CAMSAP1: variants seen among roughly 807,000 people sequenced by gnomAD.
CAMSAP1 encodes the protein calmodulin regulated spectrin associated protein 1, also known as calmodulin-regulated spectrin-associated protein 1.
Under a neutral mutation model 143.5 loss-of-function variants are expected in CAMSAP1, and 58 were observed. The observed-to-expected ratio is 0.40, with a 90% confidence interval of 0.33 to 0.50. CAMSAP1 has a LOEUF of 0.50. CAMSAP1 is among the 20% of genes least tolerant of loss of function. CAMSAP1 has a pLI of 0.45. For missense variants in CAMSAP1, 1,969 were observed against 2,115.7 expected (o/e 0.93, Z 1.36); for synonymous variants, 945 against 859.3 (o/e 1.10, Z -1.74).
rs1838820740 is a variant in CAMSAP1, at chr9:135,907,414, C to A, written c.-255G>T. 6.9e-6 allele frequency among the ~76,000 whole-genome samples: 1 copy of A among 145,944 alleles called. No individual in the cohort carries two copies. The highest frequency in any genetic ancestry group is 2.1e-4 in the South Asian group (1 of 4,790). ...GCCCAAAGAGGCGGCGGCAGGAGGG[C>A]GCGGGCCGGGGGCGGGGGCGGGCGC... On this transcript the variant is annotated 5_prime_UTR_variant, in exon 1 of 17. Transcript: ENST00000389532.
intron 7 of CAMSAP1, among the ~76,000 whole-genome samples, chr9:135,839,977 A>C (rs1836279152): frequency 6.6e-6 from 1 of 152,336 alleles, no homozygotes; most frequent in South Asian, 2.1e-4. Context: ...GTAGGCAGGT[A>C]TGGAGACTAA....
At chr9:135,879,810 C>G (rs977572687) in intron 3 of CAMSAP1, among the ~76,000 whole-genome samples, 3 of 151,884 alleles carry the variant, frequency 2.0e-5, no homozygotes, top group Non-Finnish European at 4.4e-5. Context: ...TCCAGCAACA[C>G]TGAGATCACA....
At chr9:135,812,131 T>C (rs558817339) in intron 16 of CAMSAP1, among the ~76,000 whole-genome samples, 18 of 152,258 alleles carry the variant, frequency 1.2e-4, no homozygotes, top group African/African-American at 4.3e-4. Context: ...CACGCATCCA[T>C]ACAAAACACT....
chr9:135,886,762 G>A (rs187614404), intron 1 of CAMSAP1, among the ~76,000 whole-genome samples: 22 of 152,360 alleles, frequency 1.4e-4, no homozygotes, highest in African/African-American at 4.3e-4. Context: ...GGAGGCTGCT[G>A]TGGTCACCGC....
intron 1 of CAMSAP1, among the ~76,000 whole-genome samples, chr9:135,887,085 T>C (rs1484715633): frequency 6.6e-6 from 1 of 152,082 alleles, no homozygotes; most frequent in Non-Finnish European, 1.5e-5. Flanking sequence ...CCATTACATA[T>C]ACACAGCCAT....
At chr9:135,859,946 T>C (rs1050095510) in intron 5 of CAMSAP1, among the ~76,000 whole-genome samples, 1 of 150,088 alleles carries the variant, frequency 6.7e-6, no homozygotes, top group Admixed American at 6.7e-5. Context: ...GGCTCACGTA[T>C]GGAATCCCAG....
At position 135,907,063 on chromosome 9, in the gene CAMSAP1, C is replaced by G; in HGVS notation, c.97G>C (p.Asp33His). 8.3e-7 allele frequency: 1 copy of G among 1,209,018 alleles called. No individual in the cohort carries two copies. The highest frequency in any genetic ancestry group is 1.0e-6 in the Non-Finnish European group (1 of 961,276). 74.9% of individuals were successfully genotyped at this position (1,209,018 alleles called of 1,614,324 possible). ...GCGGCGATCTTGGCGCGCGCCGCGT[C>G]GTAGCGGTCCAGGGGCACGAGGTCG... Reference protein sequence around the residue: ...AADLVPLDRYDAARAKIAANL... With the variant: ...AADLVPLDRYHAARAKIAANL... The change falls in exon 1 of 17, where the codon GAC becomes CAC. Residue 33 changes from aspartate (D) to histidine (H), a missense_variant. By Grantham distance (81) the Asp-to-His change is moderately conservative (BLOSUM62 -1). This residue lies in a region of CAMSAP1 where 215 missense variants were observed against 196.2 expected (regional missense o/e 1.10). Transcript: ENST00000389532.
intron 11 of CAMSAP1, among the ~76,000 whole-genome samples, chr9:135,819,703 C>T (rs529379824): frequency 2.7e-5 from 4 of 150,464 alleles, no homozygotes; most frequent in East Asian, 1.9e-4. Flanking sequence ...AAAAATTAGC[C>T]GGGCATGGTG....
chr9:135,842,734 C>A (rs1369819215), intron 7 of CAMSAP1, among the ~76,000 whole-genome samples: 1 of 152,150 alleles, frequency 6.6e-6, no homozygotes, highest in Non-Finnish European at 1.5e-5. Context: ...TCATATCCAG[C>A]CAAACTAAGC....
intron 3 of CAMSAP1, among the ~76,000 whole-genome samples, chr9:135,869,173 C>T (rs1837485159): frequency 1.3e-5 from 2 of 151,858 alleles, no homozygotes. Context: ...AAAGACAATC[C>T]AATTTTTAAA....
intron 3 of CAMSAP1, among the ~76,000 whole-genome samples, chr9:135,879,392 C>T (rs947664408): frequency 1.3e-5 from 2 of 152,032 alleles, no homozygotes; most frequent in Admixed American, 6.6e-5. Flanking sequence ...GAAAAAGAAA[C>T]ATACCCTCTT....
chr9:135,813,235 C>G (rs1835115141), intron 16 of CAMSAP1, among the ~76,000 whole-genome samples: 1 of 152,208 alleles, frequency 6.6e-6, no homozygotes, highest in Non-Finnish European at 1.5e-5. Flanking sequence ...TGCGGCAGAA[C>G]CTTCCCAAGG....
At chr9:135,903,555 C>T (rs1359367035) in intron 1 of CAMSAP1, among the ~76,000 whole-genome samples, 1 of 152,202 alleles carries the variant, frequency 6.6e-6, no homozygotes, top group Non-Finnish European at 1.5e-5. Context: ...ACTGGTGGCC[C>T]CAGGACACCA....
chr9:135,850,347 A>AT lies in CAMSAP1; in HGVS notation c.922dup (p.Met308AsnfsTer76). On this transcript the variant is annotated frameshift_variant, in exon 6 of 17. Coordinates refer to ENST00000389532, the MANE Select transcript of CAMSAP1 (RefSeq NM_015447.4). LOFTEE classifies it high-confidence loss of function. ...CTTCAACACTAATGGCGCATACAGC[A>AT]TATCTTCCAAGGTGAGATAAAAACA... 6.2e-7 allele frequency: 1 copy of AT among 1,610,650 alleles called. No homozygotes were observed. Among genetic ancestry groups the AT allele is most frequent in the Non-Finnish European group, 8.5e-7 (1 of 1,178,848 alleles).
rs142445184 is a variant in CAMSAP1 at position 135,898,629 on chromosome 9, C to T, written c.160+8371G>A. Among the ~76,000 whole-genome samples the T allele has an allele frequency of 6.5e-3, 993 of 152,242 alleles. 6 individuals carry two copies. Among genetic ancestry groups the T allele is most frequent in the African/African-American group, 0.022 (923 of 41,548 alleles). ...CCAATAAGCATATAAAAATGCTCAT[C>T]ATAAGTCATCAGGGAAATGCATACA... is the stretch of plus-strand genomic sequence containing the variant. On this transcript the variant is annotated intron_variant, in intron 1 of 16. Transcript: ENST00000389532.
rs1835036762 is a variant in CAMSAP1 at position 135,811,149 on chromosome 9, C to T, written c.*160G>A. 2.5e-6 allele frequency: 2 copies of T among 809,278 alleles called. No homozygotes were observed. The highest frequency in any genetic ancestry group is 5.8e-5 in the Admixed American group (2 of 34,386). The allele number at this position is 809,278 out of a possible 1,614,324, so 50.1% of individuals were successfully genotyped here. On this transcript the variant is annotated 3_prime_UTR_variant, in exon 17 of 17. Transcript: ENST00000389532. This position sits in a 1 kb window ranked among gnomAD's most constrained non-coding sequence, Gnocchi z 4.9. ...GCGCTGAGAGAGGGGTTTTCTTCTGCTGTCTAGAAACCTCTTTGCAAAAGG... is the reference window on the plus strand; with the variant it reads ...GCGCTGAGAGAGGGGTTTTCTTCTGTTGTCTAGAAACCTCTTTGCAAAAGG...
intron 4 of CAMSAP1, chr9:135,865,446 C>T (rs1837341477): frequency 7.2e-7 from 1 of 1,390,486 alleles, no homozygotes; most frequent in Non-Finnish European, 9.9e-7. Context: ...ACACACACTT[C>T]CCCACGGCGT....
rs368517274 is a variant in CAMSAP1, at chr9:135,883,058, T to G, written c.181A>C (p.Arg61=). 14 of 1,551,560 alleles carry G rather than the reference T, an allele frequency of 9.0e-6. No homozygotes were observed. Among genetic ancestry groups the G allele is most frequent in the Non-Finnish European group, 1.1e-5 (13 of 1,147,002 alleles). Residue 61 remains arginine (R), a synonymous_variant, in exon 2 of 17, where the codon AGA becomes CGA. Transcript: ENST00000389532. ...YGRDNIPEDL[R]DPFYVDQYEQ... is the part of the protein sequence containing the mutation. ...TACTGGTCAACGTAGAAAGGGTCTC[T>G]GAGGTCCTCAGGGATGTTATCTAAG... is the stretch of plus-strand genomic sequence containing the variant.
At position 135,827,598 on chromosome 9, in the gene CAMSAP1, GT is replaced by G; in HGVS notation, c.1046-15del. ...ACACTGTTTTCGCTGCAGAAATAGC[GT>G]TTTTGCATCGTTACTTACAACACTA... On this transcript the variant is annotated splice_polypyrimidine_tract_variant and intron_variant, in intron 7 of 16. Transcript: ENST00000389532. 6.5e-7 allele frequency: 1 copy of G among 1,548,198 alleles called. No individual in the cohort carries two copies.
Sources: gnomAD v4.1 joint callset for allele counts (sites outside exome capture counted in the v4.1 genomes callset) on GRCh38, gnomAD v4.1.1 for gene constraint, gnomAD v4.1.1 regional missense constraint, Gnocchi (gnomAD v3.1) non-coding constraint, MANE v1.5 for transcripts, NCBI Gene and HGNC (gene_info 2026-07-23, HGNC 2026-07-21) for gene names.